RBBP5: variants seen among roughly 807,000 people sequenced by gnomAD.
RBBP5 encodes the protein RB binding protein 5, histone lysine methyltransferase complex subunit.
Under a neutral mutation model 72.2 loss-of-function variants are expected in RBBP5, and 5 were observed. The observed-to-expected ratio is 0.07, with a 90% CI of 0.04 to 0.15. The LOEUF (loss-of-function observed/expected upper bound fraction) is 0.15. Ranked by LOEUF, RBBP5 falls within the 10% of genes least tolerant of loss-of-function variation. RBBP5 has a pLI of 1.00. For synonymous variants in RBBP5, 209 were observed against 237.2 expected, an observed-to-expected ratio of 0.88 and a Z score of 1.09; for missense variants, 322 against 652.2, an observed-to-expected ratio of 0.49 and a Z score of 5.51.
chr1:205,110,447 T>C (rs1194471174), intron 3 of RBBP5, among the ~76,000 whole-genome samples: 4 of 152,290 alleles, frequency 2.6e-5, no homozygotes, highest in South Asian at 4.1e-4. Flanking sequence ...TGTTCCCTAA[T>C]ATGCTCAAAT....
chr1:205,112,568 A>G (rs1656359642), intron 3 of RBBP5, among the ~76,000 whole-genome samples: 1 of 152,308 alleles, frequency 6.6e-6, no homozygotes, highest in East Asian at 1.9e-4. Flanking sequence ...CACCTGGTAC[A>G]TAACTCATGG....
At chr1:205,117,451 G>A (rs909741049) in intron 1 of RBBP5, among the ~76,000 whole-genome samples, 7 of 151,762 alleles carry the variant, frequency 4.6e-5, no homozygotes, top group East Asian at 4.0e-4. Flanking sequence ...ACCTGAGGTC[G>A]GGAGTTCAAA....
At chr1:205,095,132 G>A in intron 12 of RBBP5, 68 bp from the exon 13 acceptor site, 1 of 1,434,794 alleles carries the variant, frequency 7.0e-7, no homozygotes, top group Non-Finnish European at 9.7e-7. Flanking sequence ...CCACAACTTT[G>A]TTGAGCAAAG....
chr1:205,089,604 T>C (rs1558568214), intron 13 of RBBP5, among the ~76,000 whole-genome samples: 1 of 152,368 alleles, frequency 6.6e-6, no homozygotes, highest in East Asian at 1.9e-4. Context: ...AGTACCCATT[T>C]ATATAACTTT....
intron 11 of RBBP5, among the ~76,000 whole-genome samples, chr1:205,097,122 T>C (rs1030616983): frequency 6.6e-5 from 10 of 152,232 alleles, no homozygotes; most frequent in African/African-American, 2.4e-4. Flanking sequence ...TTTTGGTTCC[T>C]TAAAATTCTC....
intron 3 of RBBP5, among the ~76,000 whole-genome samples, chr1:205,110,659 T>C (rs1656275882): frequency 6.6e-6 from 1 of 152,198 alleles, no homozygotes; most frequent in South Asian, 2.1e-4. Flanking sequence ...GATATAGATA[T>C]CTTATAGATA....
chr1:205,094,730 A>G, intron 13 of RBBP5, 143 bp downstream of exon 13: 1 of 936,976 alleles, frequency 1.1e-6, no homozygotes, highest in Non-Finnish European at 1.6e-6. Flanking sequence ...TGCCCTTAGC[A>G]GCAGCTTAAA....
intron 3 of RBBP5, among the ~76,000 whole-genome samples, chr1:205,112,559 A>G (rs1293861554): frequency 6.6e-6 from 1 of 152,236 alleles, no homozygotes; most frequent in East Asian, 1.9e-4. Flanking sequence ...CTAACATAGC[A>G]CCTGGTACAT....
chr1:205,102,667 A>G (rs976365027), intron 5 of RBBP5, among the ~76,000 whole-genome samples: 15 of 152,136 alleles, frequency 9.9e-5, no homozygotes, highest in Non-Finnish European at 2.1e-4. Flanking sequence ...GGTAAAATTT[A>G]TGCTGTGTGT....
At chr1:205,089,171 A>T (rs1271031264) in intron 13 of RBBP5, among the ~76,000 whole-genome samples, 1 of 152,232 alleles carries the variant, frequency 6.6e-6, no homozygotes, top group African/African-American at 2.4e-5. Context: ...AAGAAATTTT[A>T]GGGTACCACA....
chr1:205,104,502 G>A (rs998399638), intron 4 of RBBP5, among the ~76,000 whole-genome samples: 53 of 150,442 alleles, frequency 3.5e-4, no homozygotes, highest in Non-Finnish European at 1.0e-4. Context: ...CAGCTAGAGC[G>A]TCGCAGCGAG....
intron 5 of RBBP5, among the ~76,000 whole-genome samples, chr1:205,102,295 TA>T (rs1008164227): frequency 6.6e-6 from 1 of 152,154 alleles, no homozygotes; most frequent in Admixed American, 6.6e-5. Flanking sequence ...AAAAGTGGTA[TA>T]AACATAAAAT....
chr1:205,115,069 A>G (rs1656468750), intron 2 of RBBP5, 108 bp from the exon 3 acceptor site: 7 of 985,826 alleles, frequency 7.1e-6, no homozygotes, highest in Admixed American at 2.8e-5. Context: ...TATAAATTAC[A>G]CTGCATACCA....
chr1:205,111,317 A>C (rs1436052522), intron 3 of RBBP5, among the ~76,000 whole-genome samples: 1 of 152,236 alleles, frequency 6.6e-6, no homozygotes, highest in Non-Finnish European at 1.5e-5. Flanking sequence ...ATCAGGTACA[A>C]CGCTAGAAGC....
At chr1:205,100,315 G>C in intron 6 of RBBP5, 44 bp from the exon 7 acceptor site, 1 of 1,605,432 alleles carries the variant, frequency 6.2e-7, no homozygotes, top group Non-Finnish European at 8.5e-7. Context: ...TCAGAAATCT[G>C]TTCCTTAGTA....
At chr1:205,108,700 A>C (rs550056718) in intron 3 of RBBP5, among the ~76,000 whole-genome samples, 1 of 152,308 alleles carries the variant, frequency 6.6e-6, no homozygotes, top group East Asian at 1.9e-4. Context: ...TCAGCAGGCA[A>C]TATAATCTCC....
chr1:205,119,049 T>C (rs920158795), intron 1 of RBBP5, among the ~76,000 whole-genome samples: 11 of 152,220 alleles, frequency 7.2e-5, no homozygotes, highest in African/African-American at 2.7e-4. Context: ...TCAGAGATTG[T>C]TATCTTTCGG....
At chr1:205,098,893 G>T in intron 10 of RBBP5, 96 bp downstream of exon 10, 279 of 573,250 alleles carry the variant, frequency 4.9e-4, no homozygotes, top group Non-Finnish European at 6.4e-4. Context: ...CATTTTAGAT[G>T]AAGTGCTGAA....
intron 3 of RBBP5, 50 bp from the exon 4 acceptor site, chr1:205,105,218 C>T: frequency 6.4e-7 from 1 of 1,569,556 alleles, no homozygotes; most frequent in Non-Finnish European, 8.7e-7. Flanking sequence ...TATATCATAC[C>T]ACTCTCATGA....
Sources: allele counts gnomAD v4.1 joint callset (sites outside exome capture counted in the v4.1 genomes callset), GRCh38; gene constraint gnomAD v4.1.1; transcripts MANE v1.5; gene names NCBI Gene and HGNC (gene_info 2026-07-23, HGNC 2026-07-21).